The following ING5 variants were observed in gnomAD, a reference collection of about 807,000 sequenced individuals.
ING5 encodes the protein inhibitor of growth family member 5, also known as inhibitor of growth protein 5.
ING5 carries 17 observed loss-of-function variants against 37.4 expected under a neutral mutation model. That is an observed-to-expected ratio of 0.45 (90% confidence interval 0.31 to 0.68). The LOEUF is 0.68. Ranked by LOEUF, ING5 falls within the 30% of genes least tolerant of loss-of-function variation. The pLI, the probability that ING5 is intolerant of heterozygous loss-of-function variation, is 0.05. For synonymous variants in ING5, 123 were observed against 116.6 expected (o/e 1.06, Z -0.36); for missense variants, 233 against 311.9 (o/e 0.75, Z 1.91).
chr2:241,716,733 C>CCTT lies in ING5; in HGVS notation c.482+4664_482+4666dup, dbSNP rs2070283344. On this transcript the variant is annotated intron_variant, in intron 5 of 7. Coordinates refer to ENST00000313552, the MANE Select transcript of ING5 (RefSeq NM_032329.6). ...CCATTTCCTGCCTTTGTGCTGTTGT[C>CCTT]CTTCACTTTGCCTGTGATCTGAGCT... 7.9e-5 allele frequency among the ~76,000 whole-genome samples: 12 copies of CCTT among 152,242 alleles called. No individual in the cohort carries two copies. The South Asian group carries it at 2.5e-3, about 32-fold the overall frequency.
At chr2:241,719,505 C>T in intron 5 of ING5, 1 of 1,518,256 alleles carries the variant, frequency 6.6e-7, no homozygotes, top group East Asian at 2.4e-5. Context: ...TCTGAGTCTT[C>T]CTGCTCCTTC....
chr2:241,695,959 G>A (rs1303897651), intron 2 of ING5, among the ~76,000 whole-genome samples: 1 of 152,138 alleles, frequency 6.6e-6, no homozygotes, highest in East Asian at 1.9e-4. Flanking sequence ...CAGGCTGGGT[G>A]CGGCAGCTTA....
chr2:241,708,132 G>A (rs1288070330), intron 2 of ING5, among the ~76,000 whole-genome samples: 2 of 151,850 alleles, frequency 1.3e-5, no homozygotes, highest in Admixed American at 1.3e-4. Context: ...TCTTAACCTC[G>A]TGATCCTCCT....
At chr2:241,717,113 G>T (rs2070296086) in intron 5 of ING5, among the ~76,000 whole-genome samples, 1 of 146,974 alleles carries the variant, frequency 6.8e-6, no homozygotes, top group Non-Finnish European at 1.5e-5. Flanking sequence ...CTTGCTCTGT[G>T]TCCCAGGCTG....
In ING5 at chr2:241,727,156, C is replaced by G. The variant is rs1318124840; in HGVS notation, c.*2125C>G. The G allele has an allele frequency of 6.6e-6, 1 of 152,126 alleles. No individual in the cohort carries two copies. Among genetic ancestry groups the G allele is most frequent in the East Asian group, 1.9e-4 (1 of 5,176 alleles). The allele number at this position is 152,126 out of a possible 1,614,324, so 9.4% of individuals were successfully genotyped here. A position where few individuals can be genotyped will look rare whatever the true frequency, so the allele number is the denominator to read the frequency against. ...TTCACCATATTGGCCAGACTGGTCT[C>G]AAACTCCTGGGGTCAAATGATCCGC... On this transcript the variant is annotated 3_prime_UTR_variant, in exon 8 of 8. Coordinates refer to ENST00000313552, the MANE Select transcript of ING5 (RefSeq NM_032329.6).
chr2:241,714,619 G>A (rs1188331614), intron 5 of ING5, among the ~76,000 whole-genome samples: 1 of 151,094 alleles, frequency 6.6e-6, no homozygotes, highest in African/African-American at 2.4e-5. Flanking sequence ...TTCCCTGAGG[G>A]CAGGGTCTAG....
At chr2:241,687,111 G>C in exon 1 of ING5, 1 of 388,366 alleles carries the variant, frequency 2.6e-6, no homozygotes. Flanking sequence ...CCGGAGACGC[G>C]GGGTCAGGGC....
chr2:241,719,589 C>G, intron 5 of ING5: 5 of 1,536,088 alleles, frequency 3.3e-6, no homozygotes, highest in Non-Finnish European at 4.4e-6. Flanking sequence ...TGGTCTCTTC[C>G]TCACCCAGTG....
chr2:241,692,073 A>G (rs1364281648), intron 2 of ING5, among the ~76,000 whole-genome samples: 1 of 152,042 alleles, frequency 6.6e-6, no homozygotes, highest in Non-Finnish European at 1.5e-5. Context: ...ATAAAAAAAG[A>G]AAACCGTCAC....
intron 1 of ING5, among the ~76,000 whole-genome samples, chr2:241,703,202 T>TGGGAGGCTGTGCCAGCC (rs759782058): frequency 8.5e-5 from 13 of 152,238 alleles, no homozygotes; most frequent in East Asian, 3.9e-4. Context: ...TGTGTGTGTC[T>TGGGAGGCTGTGCCAGCC]GGGAGGCTGT....
intron 1 of ING5, among the ~76,000 whole-genome samples, chr2:241,703,697 C>T (rs2069813894): frequency 6.6e-6 from 1 of 152,032 alleles, no homozygotes; most frequent in Admixed American, 6.6e-5. Context: ...CCTCCACCTC[C>T]CAGGTTCAAG....
intron 5 of ING5, among the ~76,000 whole-genome samples, chr2:241,714,608 T>C (rs2070210752): frequency 6.6e-6 from 1 of 151,920 alleles, no homozygotes; most frequent in Non-Finnish European, 1.5e-5. Flanking sequence ...CTTTTTTTTT[T>C]TTCCCTGAGG....
At chr2:241,691,582 C>T (rs900888502) in intron 2 of ING5, among the ~76,000 whole-genome samples, 13 of 152,158 alleles carry the variant, frequency 8.5e-5, no homozygotes, top group Non-Finnish European at 1.6e-4. Context: ...GACAGACTAC[C>T]TTAGACTGGG....
At chr2:241,708,875 A>G (rs189579257) in intron 2 of ING5, among the ~76,000 whole-genome samples, 3 of 152,342 alleles carry the variant, frequency 2.0e-5, no homozygotes, top group Admixed American at 2.0e-4. Flanking sequence ...AAAAAAAGAA[A>G]AGGGAAAAAA....
intron 3 of ING5, 43 bp downstream of exon 3, chr2:241,709,425 C>T (rs1325311020): frequency 6.5e-7 from 1 of 1,540,010 alleles, no homozygotes; most frequent in Non-Finnish European, 8.8e-7. Context: ...CTGACCTCTA[C>T]TCCTGCCTCT....
chr2:241,695,531 C>A (rs1054713003), intron 2 of ING5, among the ~76,000 whole-genome samples: 13 of 152,156 alleles, frequency 8.5e-5, no homozygotes, highest in African/African-American at 2.9e-4. Context: ...ACTAAAAATA[C>A]AAAAATTAGC....
At chr2:241,718,677 G>A (rs531327477) in intron 5 of ING5, among the ~76,000 whole-genome samples, 16 of 152,116 alleles carry the variant, frequency 1.1e-4, no homozygotes, top group African/African-American at 3.6e-4. Context: ...TTGGCCTCCC[G>A]ATGTGCTGGG....
chr2:241,719,710 C>G (rs999711928), intron 5 of ING5: 4 of 1,498,986 alleles, frequency 2.7e-6, no homozygotes, highest in African/African-American at 2.8e-5. Flanking sequence ...CCTGAGGGCT[C>G]TGCCCAGCTT....
At chr2:241,717,639 T>TA (rs2070311797) in intron 5 of ING5, among the ~76,000 whole-genome samples, 1 of 152,086 alleles carries the variant, frequency 6.6e-6, no homozygotes. Context: ...CTCATTTTCT[T>TA]CTGTCTTTCA....
Sources: gnomAD v4.1 joint callset for allele counts (sites outside exome capture counted in the v4.1 genomes callset) on GRCh38, gnomAD v4.1.1 for gene constraint, MANE v1.5 for transcripts, NCBI Gene and HGNC (gene_info 2026-07-23, HGNC 2026-07-21) for gene names.